The following RCAN2 variants were observed in gnomAD, a reference collection of about 807,000 sequenced individuals.
The protein encoded by RCAN2 is regulator of calcineurin 2.
RCAN2 carries 9 observed loss-of-function variants against 23.6 expected under a neutral mutation model. The ratio of observed to expected loss-of-function variants is 0.38; its 90% CI spans 0.23 to 0.67. The LOEUF (loss-of-function observed/expected upper bound fraction) is 0.67, where lower values mean the gene tolerates loss of function less well. Ranked by LOEUF, RCAN2 falls within the 30% of genes least tolerant of loss-of-function variation. The pLI is 0.51. For missense variants in RCAN2, 273 were observed against 302.3 expected (o/e 0.90, Z 0.72); for synonymous variants, 109 against 115.7 (o/e 0.94, Z 0.37).
At chr6:46,472,671 GT>G in intron 1 of RCAN2, among the ~76,000 whole-genome samples, 1 of 152,206 alleles carries the variant, frequency 6.6e-6, no homozygotes, top group South Asian at 2.1e-4. Context: ...TGTCTACCTT[GT>G]TCACATTGTA....
At chr6:46,316,552 TGAG>T (rs1181576739) in intron 2 of RCAN2, among the ~76,000 whole-genome samples, 3 of 152,152 alleles carry the variant, frequency 2.0e-5, no homozygotes, top group Non-Finnish European at 4.4e-5. Context: ...AAAAAGGAAC[TGAG>T]GAGAATAAAG....
chr6:46,440,716 C>T (rs910488555), intron 2 of RCAN2, among the ~76,000 whole-genome samples: 1 of 151,648 alleles, frequency 6.6e-6, no homozygotes, highest in Non-Finnish European at 1.5e-5. Context: ...TTCCTAGAAG[C>T]CAGAGAAAAA....
intron 2 of RCAN2, among the ~76,000 whole-genome samples, chr6:46,347,978 A>C (rs1202888013): frequency 6.6e-6 from 1 of 152,234 alleles, no homozygotes; most frequent in African/African-American, 2.4e-5. Flanking sequence ...AAGACCTTTT[A>C]TTGTTCAAAG....
At chr6:46,307,396 C>T (rs1380245252) in intron 2 of RCAN2, among the ~76,000 whole-genome samples, 2 of 152,012 alleles carry the variant, frequency 1.3e-5, no homozygotes, top group African/African-American at 2.4e-5. Flanking sequence ...TGAGTTCAGG[C>T]TTCAAGGCTG....
At chr6:46,376,715 CAAAAAAAA>C (rs35329945) in intron 2 of RCAN2, among the ~76,000 whole-genome samples, 31 of 149,932 alleles carry the variant, frequency 2.1e-4, no homozygotes, top group Non-Finnish European at 3.1e-4. Context: ...AACAAACAAA[CAAAAAAAA>C]AAAACACGGT....
chr6:46,379,916 A>C (rs911652603), intron 2 of RCAN2, among the ~76,000 whole-genome samples: 1 of 152,214 alleles, frequency 6.6e-6, no homozygotes, highest in African/African-American at 2.4e-5. Context: ...GTTCAGCATG[A>C]AGCATCATTT....
At chr6:46,373,021 C>G (rs540279338) in intron 2 of RCAN2, among the ~76,000 whole-genome samples, 17 of 152,298 alleles carry the variant, frequency 1.1e-4, no homozygotes, top group Middle Eastern at 3.4e-3. Flanking sequence ...TACTGTTAGA[C>G]CAGTATTTCC....
intron 2 of RCAN2, among the ~76,000 whole-genome samples, chr6:46,290,858 A>T (rs1762535853): frequency 6.6e-6 from 1 of 152,208 alleles, no homozygotes; most frequent in Non-Finnish European, 1.5e-5. Context: ...AATGACTTTG[A>T]GGAAATTACA....
chr6:46,292,911 C>T (rs1013011086), intron 2 of RCAN2, among the ~76,000 whole-genome samples: 3 of 152,084 alleles, frequency 2.0e-5, no homozygotes, highest in Admixed American at 2.0e-4. Context: ...GTGTGATGTT[C>T]CCCTCCCTGT....
intron 4 of RCAN2, among the ~76,000 whole-genome samples, chr6:46,236,254 A>G (rs1766090227): frequency 6.6e-6 from 1 of 152,216 alleles, no homozygotes; most frequent in Non-Finnish European, 1.5e-5. Flanking sequence ...ATCCCACGGT[A>G]GTGGGTATCA....
chr6:46,388,758 T>C (rs1400980553), intron 2 of RCAN2, among the ~76,000 whole-genome samples: 2 of 151,998 alleles, frequency 1.3e-5, no homozygotes, highest in African/African-American at 4.8e-5. Flanking sequence ...TGAAAACACA[T>C]GGACACAGGG....
intron 2 of RCAN2, among the ~76,000 whole-genome samples, chr6:46,420,423 G>A (rs887878629): frequency 1.3e-5 from 2 of 152,118 alleles, no homozygotes; most frequent in Non-Finnish European, 2.9e-5. Context: ...AGCAACAGCA[G>A]TAATCACAGC....
chr6:46,372,998 G>C (rs975559849), intron 2 of RCAN2, among the ~76,000 whole-genome samples: 1 of 152,186 alleles, frequency 6.6e-6, no homozygotes, highest in East Asian at 1.9e-4. Flanking sequence ...TATAGGAGCT[G>C]GGACCAGCAT....
chr6:46,403,263 C>A (rs1766310428), intron 2 of RCAN2, among the ~76,000 whole-genome samples: 2 of 152,002 alleles, frequency 1.3e-5, no homozygotes, highest in African/African-American at 4.8e-5. Context: ...CCGCGCCCAG[C>A]CTACGTTTGA....
intron 2 of RCAN2, among the ~76,000 whole-genome samples, chr6:46,453,283 G>A (rs529363799): frequency 2.0e-5 from 3 of 152,262 alleles, no homozygotes; most frequent in South Asian, 2.1e-4. Flanking sequence ...GCTGTAGCAC[G>A]CACACAGCAA....
At chr6:46,483,307 C>A (rs572217311) in intron 1 of RCAN2, among the ~76,000 whole-genome samples, 36 of 152,314 alleles carry the variant, frequency 2.4e-4, no homozygotes, top group Non-Finnish European at 2.9e-4. Context: ...ACCATTCCAT[C>A]TCACCTCCAC....
At chr6:46,491,580 C>G (rs1183688435), upstream of RCAN2, among the ~76,000 whole-genome samples, 2 of 152,024 alleles carry the variant, frequency 1.3e-5, no homozygotes, top group Non-Finnish European at 2.9e-5. Flanking sequence ...CTTCTCATCT[C>G]CTCCCTCCTG....
intron 2 of RCAN2, among the ~76,000 whole-genome samples, chr6:46,292,796 A>T (rs2150346267): frequency 6.6e-6 from 1 of 152,234 alleles, no homozygotes; most frequent in South Asian, 2.1e-4. Context: ...ATAGGTATAC[A>T]TGTGCCATGG....
chr6:46,415,399 A>G (rs1228894130), intron 2 of RCAN2, among the ~76,000 whole-genome samples: 2 of 152,206 alleles, frequency 1.3e-5, no homozygotes, highest in Non-Finnish European at 1.5e-5. Flanking sequence ...GGAAAACAGA[A>G]GGGGAAACAG....
Sources: allele counts gnomAD v4.1 joint callset (sites outside exome capture counted in the v4.1 genomes callset), GRCh38; gene constraint gnomAD v4.1.1; transcripts MANE v1.5; gene names NCBI Gene and HGNC (gene_info 2026-07-23, HGNC 2026-07-21).